Variants in COL22A1 observed in about 807,000 individuals in gnomAD.
COL22A1 encodes collagen type XXII alpha 1 chain.
A neutral mutation model predicts 248.9 loss-of-function variants in COL22A1; 221 were observed. The observed-to-expected ratio is 0.89, with a 90% CI of 0.80 to 0.99. The LOEUF (loss-of-function observed/expected upper bound fraction) is 0.99. Ranked by LOEUF, COL22A1 falls within the 50% of genes least tolerant of loss-of-function variation. The pLI is 0.00. For synonymous variants in COL22A1, 891 were observed against 793.4 expected (o/e 1.12, Z -2.07); for missense variants, 2,240 against 2,179.0 (o/e 1.03, Z -0.56).
intron 4 of COL22A1, among the ~76,000 whole-genome samples, chr8:138,841,304 T>C (rs968738969): frequency 9.2e-5 from 14 of 152,220 alleles, no homozygotes; most frequent in Admixed American, 8.5e-4. Flanking sequence ...CTCAAACAGC[T>C]CATATGCTTG....
chr8:138,720,734 C>T lies in COL22A1; in HGVS notation c.2355+5G>A, dbSNP rs755839562. 18 of 1,612,928 alleles carry T rather than the reference C, an allele frequency of 1.1e-5. No individual in the cohort carries two copies. In the South Asian group the frequency reaches 1.4e-4, roughly 13 times the overall value. Reference sequence around the variant, plus strand: ...CATAATGGGAAAAAGAGGCAAAGTCCATACCCGAAGGCCTGGTTTTCCAGG... The same window carrying T: ...CATAATGGGAAAAAGAGGCAAAGTCTATACCCGAAGGCCTGGTTTTCCAGG... On this transcript the variant is annotated splice_donor_5th_base_variant and intron_variant, in intron 27 of 64. Transcript: ENST00000303045.
At chr8:138,657,971 CCT>C (rs1032958474) in intron 44 of COL22A1, among the ~76,000 whole-genome samples, 76 of 152,160 alleles carry the variant, frequency 5.0e-4, no homozygotes, top group African/African-American at 1.7e-3. Flanking sequence ...GTTTTTTTCC[CCT>C]GTCATGTCCT....
intron 10 of COL22A1, among the ~76,000 whole-genome samples, chr8:138,805,444 GTGGTGTGTGTGA>G (rs1817456424): frequency 7.3e-6 from 1 of 136,216 alleles, no homozygotes; most frequent in Non-Finnish European, 1.5e-5. Context: ...GGGATGGTGT[GTGGTGTGTGTGA>G]TGGTGTGTGT....
At chr8:138,746,851 C>T (rs1002234146) in intron 22 of COL22A1, among the ~76,000 whole-genome samples, 3 of 152,220 alleles carry the variant, frequency 2.0e-5, no homozygotes, top group Non-Finnish European at 2.9e-5. Context: ...CAGCCCCTGC[C>T]CTTTCTCAGT....
chr8:138,679,327 G>A (rs1825790511), intron 40 of COL22A1, among the ~76,000 whole-genome samples: 1 of 152,170 alleles, frequency 6.6e-6, no homozygotes, highest in Admixed American at 6.5e-5. Flanking sequence ...AACAGAAACT[G>A]TCCCTTTCCT....
intron 32 of COL22A1, 39 bp downstream of exon 32, chr8:138,700,073 G>T: frequency 6.2e-7 from 1 of 1,604,456 alleles, no homozygotes; most frequent in Non-Finnish European, 8.5e-7. Context: ...CCTCCAGGCC[G>T]AGGCACACTG....
chr8:138,662,729 T>C (rs4549820), intron 42 of COL22A1, among the ~76,000 whole-genome samples: 101,458 of 151,906 alleles, frequency 0.67, 35,140 homozygotes, highest in Middle Eastern at 0.77. Context: ...TCCTCTCACA[T>C]GACCCCTCCA....
chr8:138,852,119 G>C (rs111689288), intron 3 of COL22A1, among the ~76,000 whole-genome samples: 5,264 of 152,212 alleles, frequency 0.035, 100 homozygotes, highest in African/African-American at 0.049. Flanking sequence ...CACATGGCTG[G>C]AACAGTTCAG....
intron 6 of COL22A1, 33 bp from the exon 7 acceptor site, chr8:138,821,444 T>C: frequency 6.3e-7 from 1 of 1,596,524 alleles, no homozygotes; most frequent in Non-Finnish European, 8.6e-7. Context: ...CTCCTTGAGC[T>C]TCTTGGGGCC....
intron 4 of COL22A1, among the ~76,000 whole-genome samples, chr8:138,835,901 C>A (rs1486263885): frequency 6.6e-6 from 1 of 152,244 alleles, no homozygotes. Context: ...CCCACACTTT[C>A]TCTCCCTGCC....
intron 2 of COL22A1, among the ~76,000 whole-genome samples, chr8:138,879,085 G>T (rs1056782871): frequency 6.6e-6 from 1 of 152,020 alleles, no homozygotes; most frequent in Non-Finnish European, 1.5e-5. Flanking sequence ...TTAAAGCATG[G>T]TATATATACT....
intron 5 of COL22A1, among the ~76,000 whole-genome samples, chr8:138,828,915 C>A (rs1226024729): frequency 6.6e-6 from 1 of 152,188 alleles, no homozygotes; most frequent in Non-Finnish European, 1.5e-5. Context: ...GCAGAGCCAG[C>A]CGTGGGGGAG....
chr8:138,606,620 A>T (rs1235785012), intron 57 of COL22A1, among the ~76,000 whole-genome samples, 168 bp from the exon 58 acceptor site: 1 of 151,998 alleles, frequency 6.6e-6, no homozygotes, highest in African/African-American at 2.4e-5. Flanking sequence ...GGGTCTTGGG[A>T]CTCCTGGTAG....
intron 1 of COL22A1, among the ~76,000 whole-genome samples, chr8:138,888,244 GA>G (rs1462495450): frequency 1.3e-5 from 2 of 152,304 alleles, no homozygotes; most frequent in Non-Finnish European, 2.9e-5. Flanking sequence ...ACACCAGGGG[GA>G]GGGAGGATCA....
intron 41 of COL22A1, among the ~76,000 whole-genome samples, chr8:138,664,533 G>A (rs1020984752): frequency 9.9e-5 from 15 of 152,052 alleles, no homozygotes; most frequent in African/African-American, 3.4e-4. Context: ...TGCCTGTGGA[G>A]AGCCTCCTCT....
intron 56 of COL22A1, among the ~76,000 whole-genome samples, chr8:138,611,704 A>T (rs372267412): frequency 6.6e-6 from 1 of 152,346 alleles, no homozygotes; most frequent in Non-Finnish European, 1.5e-5. Context: ...CTGAGAGCTC[A>T]CACCCAGGGA....
intron 5 of COL22A1, among the ~76,000 whole-genome samples, chr8:138,828,743 C>G (rs1380015833): frequency 6.6e-6 from 1 of 150,948 alleles, no homozygotes; most frequent in Admixed American, 6.6e-5. Context: ...GAGCGAGACT[C>G]CATCTCAAAA....
chr8:138,662,168 C>T, intron 42 of COL22A1, 85 bp from the exon 43 acceptor site: 1 of 1,102,054 alleles, frequency 9.1e-7, no homozygotes, highest in Non-Finnish European at 1.3e-6. Context: ...GTTGGCTCTC[C>T]TTCAACACAT....
chr8:138,703,672 G>A (rs1828157412), intron 30 of COL22A1, among the ~76,000 whole-genome samples: 1 of 152,170 alleles, frequency 6.6e-6, no homozygotes, highest in South Asian at 2.1e-4. Context: ...ATCCAAGGTG[G>A]CTGAATAGGA....
Sources: allele counts gnomAD v4.1 joint callset (sites outside exome capture counted in the v4.1 genomes callset), GRCh38; gene constraint gnomAD v4.1.1; transcripts MANE v1.5; gene names NCBI Gene and HGNC (gene_info 2026-07-23, HGNC 2026-07-21).